The following SMARCA5 variants were observed in gnomAD, a reference collection of about 807,000 sequenced individuals.
The protein encoded by SMARCA5 is SNF2 related chromatin remodeling ATPase 5.
SMARCA5 carries 18 observed loss-of-function variants against 140.4 expected under a neutral mutation model. That is an observed-to-expected ratio of 0.13 (90% CI 0.09 to 0.19). The LOEUF (loss-of-function observed/expected upper bound fraction) is 0.19. Ranked by LOEUF, SMARCA5 falls within the 10% of genes least tolerant of loss-of-function variation. The pLI, the probability that SMARCA5 is intolerant of heterozygous loss-of-function variation, is 1.00. For missense variants in SMARCA5, 606 were observed against 1,276.8 expected, an observed-to-expected ratio of 0.47 and a Z score of 8.01; for synonymous variants, 449 against 419.6, an observed-to-expected ratio of 1.07 and a Z score of -0.86.
At chr4:143,537,230 T>C (rs1470598678) in intron 11 of SMARCA5, among the ~76,000 whole-genome samples, 1 of 152,176 alleles carries the variant, frequency 6.6e-6, no homozygotes, top group East Asian at 1.9e-4. Flanking sequence ...AATAAAAACG[T>C]TTTTAGTCTG....
chr4:143,540,740 C>T (rs1415154896), intron 14 of SMARCA5, among the ~76,000 whole-genome samples: 4 of 152,130 alleles, frequency 2.6e-5, no homozygotes, highest in African/African-American at 7.2e-5. Flanking sequence ...GTTACATGAA[C>T]CCATTTCCTC....
rs1737726559 is a variant in SMARCA5, at chr4:143,555,388, A to T, written c.*2204A>T. Reference sequence around the variant, plus strand: ...ATCCATCACCACCACCATGGCTGCCACCAAAGCCACCACGATCACAGAACT... The same window carrying T: ...ATCCATCACCACCACCATGGCTGCCTCCAAAGCCACCACGATCACAGAACT... On this transcript the variant is annotated 3_prime_UTR_variant, in exon 24 of 24. Transcript: ENST00000283131. 3.8e-5 allele frequency: 26 copies of T among 682,618 alleles called. No individual in the cohort carries two copies. The highest frequency in any genetic ancestry group is 3.6e-4 in the South Asian group (26 of 71,702). The allele number at this position is 682,618 out of a possible 1,614,324, so 42.3% of individuals were successfully genotyped here.
intron 14 of SMARCA5, among the ~76,000 whole-genome samples, chr4:143,542,695 C>T (rs1170075324): frequency 2.6e-5 from 4 of 152,132 alleles, no homozygotes; most frequent in Non-Finnish European, 5.9e-5. Flanking sequence ...AGGGTGAAAA[C>T]AAGTCTTTCT....
In SMARCA5 at chr4:143,513,901, A is replaced by G. The variant is rs1353023771; in HGVS notation, c.-24A>G. 2.0e-6 allele frequency: 3 copies of G among 1,535,362 alleles called. No individual in the cohort carries two copies. Among genetic ancestry groups the G allele is most frequent in the East Asian group, 2.5e-5 (1 of 40,776 alleles). ...CCGCCGGACTCGGGCCTCTGGCAGC[A>G]GCGGGTGACGCAGACGGAACATCAT... is the stretch of plus-strand genomic sequence containing the variant. On this transcript the variant is annotated 5_prime_UTR_variant, in exon 1 of 24. Transcript: ENST00000283131.
intron 13 of SMARCA5, 71 bp from the exon 14 acceptor site, chr4:143,540,292 C>T: frequency 8.3e-7 from 1 of 1,200,376 alleles, no homozygotes. Context: ...TTTTTTTTCT[C>T]AGTGTACCCA....
intron 3 of SMARCA5, 31 bp from the exon 4 acceptor site, chr4:143,524,336 A>G: frequency 2.7e-6 from 4 of 1,493,778 alleles, no homozygotes; most frequent in Middle Eastern, 1.7e-4. Context: ...GCCAAAACTC[A>G]AATCAGGTTA....
rs1737027580 is a variant in SMARCA5 at position 143,524,485 on chromosome 4, G to C, written c.520+18G>C. On this transcript the variant is annotated intron_variant, in intron 4 of 23. Coordinates refer to ENST00000283131, the MANE Select transcript of SMARCA5 (RefSeq NM_003601.4). ...TCCATCGTGTATGTTAAACACACTTGATTTTTTTAAAAAATTGCCCTTTGA... is the reference window on the plus strand; with the variant it reads ...TCCATCGTGTATGTTAAACACACTTCATTTTTTTAAAAAATTGCCCTTTGA... 3 of 1,551,760 alleles carry C rather than the reference G, an allele frequency of 1.9e-6. No homozygotes were observed. In the African/African-American group the frequency reaches 4.1e-5, roughly 21 times the overall value.
intron 10 of SMARCA5, among the ~76,000 whole-genome samples, chr4:143,536,244 T>C (rs1737300374): frequency 6.6e-6 from 1 of 152,172 alleles, no homozygotes; most frequent in Non-Finnish European, 1.5e-5. Context: ...AAGGCGTAAG[T>C]ATGAACATTA....
chr4:143,534,737 A>G, intron 9 of SMARCA5, 118 bp from the exon 10 acceptor site: 1 of 650,756 alleles, frequency 1.5e-6, no homozygotes, highest in South Asian at 2.4e-5. Context: ...CTAAGAAATC[A>G]CTTGATACTC....
chr4:143,528,918 T>C (rs908418983), intron 8 of SMARCA5, among the ~76,000 whole-genome samples: 4 of 152,104 alleles, frequency 2.6e-5, no homozygotes, highest in African/African-American at 9.7e-5. Flanking sequence ...GTTTCAATCT[T>C]ATTTCATTAT....
Position 143,547,887 on chromosome 4 carries a change from A to G in SMARCA5, c.2773-41A>G, listed in dbSNP as rs763264306. The stretch of plus-strand genomic sequence containing the variant: ...GCTGAGTTTGAAATACAGATTATAT[A>G]GGATTTGTATTTTATATAATATAAA... On this transcript the variant is annotated intron_variant, in intron 21 of 23. Coordinates refer to ENST00000283131, the MANE Select transcript of SMARCA5 (RefSeq NM_003601.4). The G allele has an allele frequency of 1.4e-5, 16 of 1,182,908 alleles. No homozygotes were observed. The African/African-American group carries it at 2.0e-4, about 15-fold the overall frequency. The allele number at this position is 1,182,908 out of a possible 1,614,324, so 73.3% of individuals were successfully genotyped here.
chr4:143,522,618 C>T (rs1378417883), intron 3 of SMARCA5, among the ~76,000 whole-genome samples: 3 of 152,192 alleles, frequency 2.0e-5, no homozygotes, highest in African/African-American at 7.2e-5. Flanking sequence ...GACCAAAGCA[C>T]TATTTTAATA....
chr4:143,555,478 C>T lies in SMARCA5; in HGVS notation c.*2294C>T. 2.0e-6 allele frequency: 1 copy of T among 509,396 alleles called. No homozygotes were observed. The highest frequency in any genetic ancestry group is 3.6e-6 in the Non-Finnish European group (1 of 276,084). 31.6% of individuals were successfully genotyped at this position (509,396 alleles called of 1,614,324 possible). A position where few individuals can be genotyped will look rare whatever the true frequency, so the allele number is the denominator to read the frequency against. Reference sequence around the variant, plus strand: ...TTCTGTGGAAAGTAAAGCATTCCAACACAGGGTTTCAGTGTAGATTGTTTT... The same window carrying T: ...TTCTGTGGAAAGTAAAGCATTCCAATACAGGGTTTCAGTGTAGATTGTTTT... On this transcript the variant is annotated 3_prime_UTR_variant, in exon 24 of 24. Coordinates refer to ENST00000283131, the MANE Select transcript of SMARCA5 (RefSeq NM_003601.4).
intron 1 of SMARCA5, among the ~76,000 whole-genome samples, chr4:143,516,971 G>C (rs889945334): frequency 6.6e-6 from 1 of 152,268 alleles, no homozygotes; most frequent in South Asian, 2.1e-4. Flanking sequence ...TAGCACAGTA[G>C]ATACTGTAGT....
intron 17 of SMARCA5, 99 bp downstream of exon 17, chr4:143,544,946 T>A: frequency 1.8e-6 from 1 of 544,066 alleles, no homozygotes; most frequent in Non-Finnish European, 3.1e-6. Flanking sequence ...ATTTTGTGTT[T>A]CTTTTTTTTT....
In SMARCA5 at chr4:143,514,085, C is replaced by T. The variant is rs200653868; in HGVS notation, c.161C>T (p.Ala54Val). The T allele has an allele frequency of 4.4e-4, 676 of 1,553,136 alleles. 2 individuals carry two copies. Among genetic ancestry groups the T allele is most frequent in the Middle Eastern group, 1.7e-3 (10 of 5,946 alleles). The change falls in exon 1 of 24, where the codon GCA (alanine) becomes GTA (valine). Residue 54 changes from alanine (A) to valine (V), a missense_variant. Around this residue, in one of 10 missense-constraint regions of SMARCA5, gnomAD observed 164 missense variants for 128.4 expected, o/e 1.28. Coordinates refer to ENST00000283131, the MANE Select transcript of SMARCA5 (RefSeq NM_003601.4). The part of the protein sequence containing the change: ...AVASAASAGP[A>V]DAEMEEIFDD... ...GCGTCTGCGGCCAGCGCTGGTCCCG[C>T]AGACGCCGAGATGGAGGTGAGGGCG... is the stretch of plus-strand genomic sequence containing the variant.
rs1737103681 is a variant in SMARCA5 at position 143,527,744 on chromosome 4, T to C, written c.802-124T>C. On this transcript the variant is annotated intron_variant, in intron 6 of 23. Coordinates refer to ENST00000283131, the MANE Select transcript of SMARCA5 (RefSeq NM_003601.4). ...GCTGGTTCTAAACGTTTGCATAATA[T>C]AGCTAGCTACTCTACTCCTTTTTAG... The C allele has an allele frequency of 9.7e-6, 7 of 723,380 alleles. No homozygotes were observed. In the South Asian group the frequency reaches 9.9e-5, roughly 10 times the overall value. 44.8% of individuals were successfully genotyped at this position (723,380 alleles called of 1,614,324 possible).
chr4:143,555,619 T>C lies in SMARCA5; in HGVS notation c.*2435T>C. On this transcript the variant is annotated 3_prime_UTR_variant, in exon 24 of 24. Coordinates refer to ENST00000283131, the MANE Select transcript of SMARCA5 (RefSeq NM_003601.4). ...ATGAAAGATTGCTTAATTGTACATC[T>C]GACAAAGTGCTGGAGGCTATTATAA... 1 of 291,204 alleles carries C rather than the reference T, an allele frequency of 3.4e-6. No individual in the cohort carries two copies. The highest frequency in any genetic ancestry group is 3.4e-5 in the South Asian group (1 of 29,532). The allele number at this position is 291,204 out of a possible 1,614,324, so 18.0% of individuals were successfully genotyped here.
intron 5 of SMARCA5, 95 bp from the exon 6 acceptor site, chr4:143,526,186 G>A: frequency 1.0e-6 from 1 of 979,830 alleles, no homozygotes; most frequent in Non-Finnish European, 1.6e-6. Flanking sequence ...TAAATATGTA[G>A]CATTTCTTTT....
Sources: allele counts gnomAD v4.1 joint callset (sites outside exome capture counted in the v4.1 genomes callset), GRCh38; gene constraint gnomAD v4.1.1; regional missense constraint gnomAD v4.1.1; transcripts MANE v1.5; gene names NCBI Gene and HGNC (gene_info 2026-07-23, HGNC 2026-07-21).